Variants in LHFPL6 observed in about 807,000 individuals in gnomAD.
LHFPL6 encodes the protein LHFPL tetraspan subfamily member 6.
A neutral mutation model predicts 20.6 loss-of-function variants in LHFPL6; 9 were observed. That is an observed-to-expected ratio of 0.44 (90% CI 0.26 to 0.76). LHFPL6 has a LOEUF of 0.76. Among genes scored for constraint, LHFPL6 ranks in the 30% least tolerant of loss-of-function variants. The pLI, the probability that LHFPL6 is intolerant of heterozygous loss-of-function variation, is 0.20. For missense variants in LHFPL6, 218 were observed against 253.5 expected (o/e 0.86, Z 0.95); for synonymous variants, 105 against 98.7 (o/e 1.06, Z -0.38).
At chr13:39,474,463 T>C (rs1593326976) in intron 2 of LHFPL6, among the ~76,000 whole-genome samples, 1 of 152,214 alleles carries the variant, frequency 6.6e-6, no homozygotes, top group Non-Finnish European at 1.5e-5. Context: ...TTTTAGTTCA[T>C]AATTTAAAAA....
At chr13:39,514,633 G>T (rs1869840344) in intron 2 of LHFPL6, among the ~76,000 whole-genome samples, 1 of 152,204 alleles carries the variant, frequency 6.6e-6, no homozygotes, top group Non-Finnish European at 1.5e-5. Context: ...CCCAGCCAAA[G>T]TTAACTGAGT....
At chr13:39,365,939 A>C (rs966480215) in intron 3 of LHFPL6, among the ~76,000 whole-genome samples, 1 of 152,172 alleles carries the variant, frequency 6.6e-6, no homozygotes, top group Non-Finnish European at 1.5e-5. Context: ...GGGTATCAAA[A>C]TACTAAAATA....
chr13:39,504,724 A>T (rs1398342941), intron 2 of LHFPL6, among the ~76,000 whole-genome samples: 2 of 152,232 alleles, frequency 1.3e-5, no homozygotes, highest in Non-Finnish European at 2.9e-5. Context: ...CTGCAAATAC[A>T]GTCACATTCT....
At chr13:39,546,897 T>C (rs1870998000) in intron 2 of LHFPL6, among the ~76,000 whole-genome samples, 1 of 152,074 alleles carries the variant, frequency 6.6e-6, no homozygotes, top group Non-Finnish European at 1.5e-5. Context: ...ACTATCACTC[T>C]CCTGCTTAGC....
chr13:39,564,337 A>G (rs1271103578), intron 2 of LHFPL6, among the ~76,000 whole-genome samples: 1 of 152,172 alleles, frequency 6.6e-6, no homozygotes, highest in Non-Finnish European at 1.5e-5. Context: ...CTTCCACTAG[A>G]GGCAATAAAG....
intron 2 of LHFPL6, among the ~76,000 whole-genome samples, chr13:39,478,325 T>C (rs527534233): frequency 2.0e-5 from 3 of 152,220 alleles, no homozygotes; most frequent in South Asian, 4.2e-4. Context: ...CCAGGCACTG[T>C]GCTAAATACT....
At chr13:39,452,858 T>G (rs570551943) in intron 2 of LHFPL6, among the ~76,000 whole-genome samples, 1 of 152,342 alleles carries the variant, frequency 6.6e-6, no homozygotes, top group East Asian at 1.9e-4. Context: ...TTTATAATGC[T>G]CTCCTCTTGC....
intron 2 of LHFPL6, among the ~76,000 whole-genome samples, chr13:39,443,282 A>G (rs1048050673): frequency 2.0e-5 from 3 of 152,142 alleles, no homozygotes; most frequent in Non-Finnish European, 4.4e-5. Context: ...ATGACACAGC[A>G]AGAAGACCCT....
At chr13:39,365,317 C>T (rs1249528054) in intron 3 of LHFPL6, among the ~76,000 whole-genome samples, 1 of 152,124 alleles carries the variant, frequency 6.6e-6, no homozygotes, top group Non-Finnish European at 1.5e-5. Flanking sequence ...CTACCACTGG[C>T]CACCAAGCAG....
chr13:39,521,989 G>A (rs565379078), intron 2 of LHFPL6, among the ~76,000 whole-genome samples: 36 of 152,206 alleles, frequency 2.4e-4, no homozygotes, highest in African/African-American at 8.4e-4. Flanking sequence ...TTGGCTTCCC[G>A]ATTGCTTTCA....
At chr13:39,528,718 T>G (rs1384290811) in intron 2 of LHFPL6, among the ~76,000 whole-genome samples, 1 of 152,226 alleles carries the variant, frequency 6.6e-6, no homozygotes, top group Non-Finnish European at 1.5e-5. Context: ...GCTACAATTC[T>G]TACACTTGTC....
intron 2 of LHFPL6, among the ~76,000 whole-genome samples, chr13:39,418,441 G>C (rs981510132): frequency 1.5e-5 from 2 of 137,278 alleles, no homozygotes; most frequent in African/African-American, 5.7e-5. Flanking sequence ...AAAAGGAATT[G>C]GCCATGTCTA....
chr13:39,583,487 C>CT (rs1286609018), intron 2 of LHFPL6, among the ~76,000 whole-genome samples: 1 of 152,116 alleles, frequency 6.6e-6, no homozygotes, highest in Non-Finnish European at 1.5e-5. Flanking sequence ...GTGCAAAACT[C>CT]TAACAGTTGT....
At chr13:39,522,535 C>T (rs545425207) in intron 2 of LHFPL6, among the ~76,000 whole-genome samples, 17 of 152,352 alleles carry the variant, frequency 1.1e-4, no homozygotes, top group African/African-American at 3.4e-4. Context: ...TCCCGCTCCA[C>T]GCACTCAGCT....
intron 3 of LHFPL6, among the ~76,000 whole-genome samples, chr13:39,347,460 T>C (rs1566090340): frequency 6.6e-6 from 1 of 152,232 alleles, no homozygotes; most frequent in Admixed American, 6.5e-5. Flanking sequence ...ACTCGTGTCC[T>C]GTTTTGGCAC....
At chr13:39,556,483 C>G (rs1239547327) in intron 2 of LHFPL6, among the ~76,000 whole-genome samples, 2 of 152,146 alleles carry the variant, frequency 1.3e-5, no homozygotes, top group Non-Finnish European at 2.9e-5. Context: ...TGGCGAAGAA[C>G]TTGGCTGTAC....
intron 2 of LHFPL6, among the ~76,000 whole-genome samples, chr13:39,433,544 T>C (rs1428555241): frequency 6.6e-6 from 1 of 152,230 alleles, no homozygotes; most frequent in East Asian, 1.9e-4. Context: ...TGCAGACATC[T>C]GGACATGTAC....
chr13:39,364,325 T>C (rs546491399), intron 3 of LHFPL6, among the ~76,000 whole-genome samples: 16 of 152,284 alleles, frequency 1.1e-4, no homozygotes, highest in African/African-American at 3.8e-4. Context: ...GGGGTTTCCC[T>C]TTCATACCAC....
chr13:39,413,072 C>G (rs1229753757), intron 2 of LHFPL6, among the ~76,000 whole-genome samples: 1 of 152,224 alleles, frequency 6.6e-6, no homozygotes, highest in East Asian at 1.9e-4. Context: ...AGCCCTAACT[C>G]TACCCCAAGG....
Sources: allele counts gnomAD v4.1 joint callset (sites outside exome capture counted in the v4.1 genomes callset), GRCh38; gene constraint gnomAD v4.1.1; transcripts MANE v1.5; gene names NCBI Gene and HGNC (gene_info 2026-07-23, HGNC 2026-07-21).